Variants in GRAMD4 observed in about 807,000 individuals in gnomAD.
GRAMD4 encodes GRAM domain-containing protein 4.
A neutral mutation model predicts 83.9 loss-of-function variants in GRAMD4; 25 were observed. The ratio of observed to expected loss-of-function variants is 0.30; its 90% confidence interval spans 0.22 to 0.42. The LOEUF is 0.42. GRAMD4 is among the 10% of genes least tolerant of loss of function. The probability of loss-of-function intolerance (pLI) is 1.00; values close to 1 mark genes in which losing one functional copy is unlikely to be tolerated. For missense variants in GRAMD4, 593 were observed against 788.7 expected (o/e 0.75, Z 2.97); for synonymous variants, 336 against 320.9 (o/e 1.05, Z -0.50).
rs2081587983 is a variant in GRAMD4, at chr22:46,622,364, A to G, written c.-50+1799A>G. On this transcript the variant is annotated intron_variant, in intron 1 of 18. Coordinates refer to ENST00000406902, the MANE Select transcript of GRAMD4 (RefSeq NM_015124.5). This position sits in a 1 kb window ranked among gnomAD's most constrained non-coding sequence, Gnocchi z 4.0. ...GGGTCATCCCCTCCGCTTCCCTCTC[A>G]GCTGCCGCAACCAGGAGGACTCGCC... Among the ~76,000 whole-genome samples the G allele has an allele frequency of 6.6e-6, 1 of 152,106 alleles. No individual in the cohort carries two copies. The highest frequency in any genetic ancestry group is 6.5e-5 in the Admixed American group (1 of 15,282).
chr22:46,611,785 T>C (rs1405704645), intron 1 of GRAMD4, among the ~76,000 whole-genome samples: 2 of 150,414 alleles, frequency 1.3e-5, no homozygotes, highest in African/African-American at 4.9e-5. Context: ...GGTCAGGAGA[T>C]CGAGACCATC....
intron 2 of GRAMD4, among the ~76,000 whole-genome samples, chr22:46,628,918 G>C (rs1295709226): frequency 6.6e-6 from 1 of 152,072 alleles, no homozygotes; most frequent in Non-Finnish European, 1.5e-5. Flanking sequence ...AGGAGAGGCA[G>C]GCCGTGGTCT....
rs1279002849 is a variant in GRAMD4 at position 46,673,123 on chromosome 22, C to T, written c.1239+126C>T. ...GCTGTTTCTTCAATTTTATAGACTC[C>T]TTAAACTTGAGGGTTTTTTTTTTCC... is the stretch of plus-strand genomic sequence containing the variant. On this transcript the variant is annotated intron_variant, in intron 14 of 18. Coordinates refer to ENST00000406902, the MANE Select transcript of GRAMD4 (RefSeq NM_015124.5). The T allele has an allele frequency of 3.8e-6, 3 of 789,372 alleles. No individual in the cohort carries two copies. In the East Asian group the frequency reaches 8.2e-5, roughly 22 times the overall value. The allele number at this position is 789,372 out of a possible 1,614,324, so 48.9% of individuals were successfully genotyped here.
chr22:46,594,026 T>G (rs1316087189), intron 1 of GRAMD4, among the ~76,000 whole-genome samples: 1 of 151,462 alleles, frequency 6.6e-6, no homozygotes, highest in African/African-American at 2.4e-5. Flanking sequence ...CACCCAGCCA[T>G]ATTTTCGTTA....
chr22:46,642,120 C>T (rs953415044), intron 3 of GRAMD4, among the ~76,000 whole-genome samples: 8 of 152,268 alleles, frequency 5.3e-5, no homozygotes, highest in Non-Finnish European at 1.0e-4. Context: ...GGGCCTCTTT[C>T]AGTTGGCTTC....
chr22:46,613,647 C>G (rs1190269312), intron 1 of GRAMD4, among the ~76,000 whole-genome samples: 1 of 152,194 alleles, frequency 6.6e-6, no homozygotes, highest in African/African-American at 2.4e-5. Flanking sequence ...TCCTGGAGGC[C>G]AGGAAGGGGC....
intron 1 of GRAMD4, among the ~76,000 whole-genome samples, chr22:46,623,429 C>G (rs1293446319): frequency 6.6e-6 from 1 of 152,190 alleles, no homozygotes; most frequent in Non-Finnish European, 1.5e-5. Context: ...ACGCTGCCCC[C>G]CAGGCTGCAG....
intron 2 of GRAMD4, among the ~76,000 whole-genome samples, chr22:46,631,315 C>G (rs764737677): frequency 6.6e-6 from 1 of 152,254 alleles, no homozygotes; most frequent in Non-Finnish European, 1.5e-5. Flanking sequence ...ACGTGTCACA[C>G]GCCAGCTCCC....
intron 2 of GRAMD4, among the ~76,000 whole-genome samples, chr22:46,635,196 C>A (rs369965943): frequency 1.9e-5 from 2 of 104,604 alleles, no homozygotes; most frequent in Non-Finnish European, 4.3e-5. Flanking sequence ...CCTCCCTGCC[C>A]CCGCCCCCGG....
At chr22:46,586,167 T>TG (rs1296379816) in intron 1 of GRAMD4, among the ~76,000 whole-genome samples, 1 of 151,866 alleles carries the variant, frequency 6.6e-6, no homozygotes, top group Admixed American at 6.6e-5. Flanking sequence ...CCAGCATTCT[T>TG]GGGAATGCAG....
chr22:46,637,424 TC>T (rs2081907052), intron 2 of GRAMD4, among the ~76,000 whole-genome samples: 1 of 152,074 alleles, frequency 6.6e-6, no homozygotes, highest in South Asian at 2.1e-4. Flanking sequence ...GGCTAATTTT[TC>T]GTATTTTTTA....
chr22:46,659,963 C>T lies in GRAMD4; in HGVS notation c.405-1418C>T, dbSNP rs1210012110. Among the ~76,000 whole-genome samples the T allele has an allele frequency of 6.6e-6, 1 of 152,208 alleles. No homozygotes were observed. The highest frequency in any genetic ancestry group is 1.9e-4 in the East Asian group (1 of 5,184). On this transcript the variant is annotated intron_variant, in intron 4 of 18. Coordinates refer to ENST00000406902, the MANE Select transcript of GRAMD4 (RefSeq NM_015124.5). This position sits in a 1 kb window ranked among gnomAD's most constrained non-coding sequence, Gnocchi z 4.1. ...AGATCCCAGGGACAGGTGCGGTCCC[C>T]AGGCATTTGGCCACAGTGCCATCCC...
intron 3 of GRAMD4, among the ~76,000 whole-genome samples, chr22:46,645,598 G>A (rs2082061961): frequency 6.6e-6 from 1 of 152,226 alleles, no homozygotes; most frequent in South Asian, 2.1e-4. Flanking sequence ...CTCTCAGAAA[G>A]CAGAGTGTTA....
At chr22:46,682,479 T>G (rs1458309231), downstream of GRAMD4, 14 of 978,714 alleles carry the variant, frequency 1.4e-5, no homozygotes, top group Non-Finnish European at 1.7e-5. Flanking sequence ...GTGAAGAAGC[T>G]CTCGAAGACC....
chr22:46,673,982 A>G (rs374186922), intron 15 of GRAMD4, among the ~76,000 whole-genome samples, 168 bp downstream of exon 15: 2 of 152,198 alleles, frequency 1.3e-5, no homozygotes, highest in African/African-American at 4.8e-5. Flanking sequence ...GCCAGGGGTC[A>G]TGAGGACTCT....
At chr22:46,599,692 T>A (rs780073265) in intron 1 of GRAMD4, among the ~76,000 whole-genome samples, 1 of 152,200 alleles carries the variant, frequency 6.6e-6, no homozygotes, top group African/African-American at 2.4e-5. Flanking sequence ...CTGCATTTAA[T>A]GTATTAGCTC....
At chr22:46,614,570 G>A (rs1034196713) in intron 1 of GRAMD4, among the ~76,000 whole-genome samples, 5 of 152,240 alleles carry the variant, frequency 3.3e-5, no homozygotes, top group South Asian at 2.1e-4. Context: ...GCCAGCATCC[G>A]TGTGGTGCTC....
intron 13 of GRAMD4, chr22:46,671,032 C>T (rs905393982): frequency 2.3e-6 from 1 of 442,914 alleles, no homozygotes; most frequent in Non-Finnish European, 4.9e-6. Context: ...TTATCGGTGC[C>T]CATGTATTCT....
chr22:46,608,522 T>C (rs1328304279), intron 1 of GRAMD4, among the ~76,000 whole-genome samples: 2 of 151,808 alleles, frequency 1.3e-5, no homozygotes. Flanking sequence ...CTACTAAAAA[T>C]ACAAAAATTA....
Sources: gnomAD v4.1 joint callset for allele counts (sites outside exome capture counted in the v4.1 genomes callset) on GRCh38, gnomAD v4.1.1 for gene constraint, Gnocchi (gnomAD v3.1) non-coding constraint, MANE v1.5 for transcripts, NCBI Gene and HGNC (gene_info 2026-07-23, HGNC 2026-07-21) for gene names.